MGMT: variants seen among roughly 807,000 people sequenced by gnomAD.
MGMT encodes methylated-DNA--protein-cysteine methyltransferase.
In MGMT, 14 loss-of-function variants were observed where a neutral mutation model predicts 15.9. The ratio of observed to expected loss-of-function variants is 0.88; its 90% confidence interval spans 0.58 to 1.37. The LOEUF is 1.37. Among genes scored for constraint, MGMT ranks in the 40% most tolerant of loss-of-function variants. The pLI, the probability that MGMT is intolerant of heterozygous loss-of-function variation, is 0.00. For missense variants in MGMT, 282 were observed against 268.1 expected, an observed-to-expected ratio of 1.05 and a Z score of -0.36; for synonymous variants, 130 against 118.2, an observed-to-expected ratio of 1.10 and a Z score of -0.65.
At chr10:129,517,281 C>T (rs1040056816) in intron 1 of MGMT, among the ~76,000 whole-genome samples, 1 of 152,176 alleles carries the variant, frequency 6.6e-6, no homozygotes, top group African/African-American at 2.4e-5. Context: ...CCCCTTAGCT[C>T]ATTTCTAGTA....
chr10:129,734,054 G>A (rs1276334040), intron 3 of MGMT, among the ~76,000 whole-genome samples: 1 of 151,522 alleles, frequency 6.6e-6, no homozygotes, highest in Non-Finnish European at 1.5e-5. Flanking sequence ...CTCTTTTTTG[G>A]TTCCATACGA....
chr10:129,651,826 TAAAA>T (rs1260843770), intron 2 of MGMT, among the ~76,000 whole-genome samples: 1 of 152,130 alleles, frequency 6.6e-6, no homozygotes. Context: ...ATGTGCTAGT[TAAAA>T]AGAAAGAAAA....
intron 1 of MGMT, among the ~76,000 whole-genome samples, chr10:129,475,410 C>A (rs551665969): frequency 1.3e-5 from 2 of 152,098 alleles, no homozygotes; most frequent in African/African-American, 4.8e-5. Context: ...GCGTGAGGCA[C>A]GGCGGATGCT....
chr10:129,678,333 C>G (rs1164522292), intron 2 of MGMT, among the ~76,000 whole-genome samples: 1 of 152,002 alleles, frequency 6.6e-6, no homozygotes, highest in African/African-American at 2.4e-5. Flanking sequence ...GTCAGGGACA[C>G]TTTTCCAGGC....
At chr10:129,470,344 G>A (rs76496923) in intron 1 of MGMT, among the ~76,000 whole-genome samples, 10,709 of 152,216 alleles carry the variant, frequency 0.07, 540 homozygotes, top group East Asian at 0.27. Context: ...TTCATTAACT[G>A]CTGCATATCT....
At chr10:129,646,502 T>C (rs1295086554) in intron 2 of MGMT, among the ~76,000 whole-genome samples, 1 of 151,844 alleles carries the variant, frequency 6.6e-6, no homozygotes. Context: ...ATTATGCCTG[T>C]GATCCTGCAC....
intron 2 of MGMT, among the ~76,000 whole-genome samples, chr10:129,571,669 G>A (rs928753697): frequency 7.9e-5 from 12 of 152,176 alleles, no homozygotes; most frequent in African/African-American, 7.2e-5. Context: ...AGAGGTGGAA[G>A]GGGCCAGCAA....
intron 3 of MGMT, among the ~76,000 whole-genome samples, chr10:129,739,705 G>A (rs1848608469): frequency 6.6e-6 from 1 of 152,226 alleles, no homozygotes; most frequent in Admixed American, 6.5e-5. Context: ...CGAGCCACCT[G>A]CAGCCCAGGA....
At chr10:129,704,050 G>GAA (rs1564767429) in intron 2 of MGMT, among the ~76,000 whole-genome samples, 1 of 151,806 alleles carries the variant, frequency 6.6e-6, no homozygotes, top group African/African-American at 2.4e-5. Context: ...CCTTCCCCAG[G>GAA]GATCAGGACA....
At position 129,610,714 on chromosome 10, in the gene MGMT, G is replaced by A. The variant is rs147553539; in HGVS notation, c.125+74337G>A. ...CCTATGATGGCAGAGTTGAATAGTT[G>A]CAATAAAGTCTGACCTGCAAATCTA... On this transcript the variant is annotated intron_variant, in intron 2 of 4. Coordinates refer to ENST00000651593, the MANE Select transcript of MGMT (RefSeq NM_002412.5). Among the ~76,000 whole-genome samples, 617 of 152,298 alleles carry A rather than the reference G, an allele frequency of 4.1e-3. 4 individuals carry two copies. The highest frequency in any genetic ancestry group is 0.013 in the African/African-American group (521 of 41,568).
At chr10:129,718,614 C>T (rs761179360) in intron 3 of MGMT, among the ~76,000 whole-genome samples, 1 of 152,256 alleles carries the variant, frequency 6.6e-6, no homozygotes, top group Non-Finnish European at 1.5e-5. Flanking sequence ...AAGCCAGACA[C>T]ACCTCCTGCC....
At chr10:129,717,399 G>A (rs1848311861) in intron 3 of MGMT, among the ~76,000 whole-genome samples, 1 of 152,158 alleles carries the variant, frequency 6.6e-6, no homozygotes, top group Non-Finnish European at 1.5e-5. Flanking sequence ...TCATTTGTGG[G>A]ACCTGGGTAT....
chr10:129,660,812 A>C (rs1199607704), intron 2 of MGMT, among the ~76,000 whole-genome samples: 7 of 152,114 alleles, frequency 4.6e-5, no homozygotes, highest in Non-Finnish European at 1.0e-4. Flanking sequence ...ACACACATGC[A>C]CAGTTTGCAT....
At chr10:129,694,540 A>G (rs969955041) in intron 2 of MGMT, among the ~76,000 whole-genome samples, 1 of 152,310 alleles carries the variant, frequency 6.6e-6, no homozygotes, top group East Asian at 1.9e-4. Flanking sequence ...GGTGCTTCCT[A>G]AAGGGAATCT....
In MGMT at chr10:129,621,114, C is replaced by T. The variant is rs560408252; in HGVS notation, c.125+84737C>T. 5.3e-5 allele frequency among the ~76,000 whole-genome samples: 8 copies of T among 152,292 alleles called. No homozygotes were observed. The East Asian group carries it at 1.2e-3, about 22-fold the overall frequency. On this transcript the variant is annotated intron_variant, in intron 2 of 4. Coordinates refer to ENST00000651593, the MANE Select transcript of MGMT (RefSeq NM_002412.5). ...ACTGAAGGAACTGGGTATGCAATTA[C>T]GTTTAATTTTAAATAATTTAAATAT...
At chr10:129,753,918 G>A (rs774297611) in intron 3 of MGMT, among the ~76,000 whole-genome samples, 3 of 152,112 alleles carry the variant, frequency 2.0e-5, no homozygotes, top group Non-Finnish European at 4.4e-5. Flanking sequence ...AGATAATGTT[G>A]ATATTTTTGT....
intron 2 of MGMT, among the ~76,000 whole-genome samples, chr10:129,587,811 C>T (rs986106658): frequency 6.6e-6 from 1 of 152,158 alleles, no homozygotes; most frequent in Non-Finnish European, 1.5e-5. Context: ...TCTGTTAATT[C>T]TAACATCTTT....
At chr10:129,575,572 A>G (rs1365658313) in intron 2 of MGMT, among the ~76,000 whole-genome samples, 22 of 149,784 alleles carry the variant, frequency 1.5e-4, no homozygotes, top group African/African-American at 4.9e-4. Context: ...AATGCCCACA[A>G]GAGAAAGCAG....
intron 2 of MGMT, chr10:129,537,279 C>T (rs987498912): frequency 5.9e-5 from 9 of 152,104 alleles, no homozygotes; most frequent in African/African-American, 2.2e-4. Flanking sequence ...GGCCCCTGTC[C>T]GAGACAGCCA....
Sources: gnomAD v4.1 joint callset for allele counts (sites outside exome capture counted in the v4.1 genomes callset) on GRCh38, gnomAD v4.1.1 for gene constraint, MANE v1.5 for transcripts, NCBI Gene and HGNC (gene_info 2026-07-23, HGNC 2026-07-21) for gene names.